The following NBAS variants were observed in gnomAD, a reference collection of about 807,000 sequenced individuals.
NBAS encodes NAG/BC035112 fusion.
In NBAS, 219 loss-of-function variants were observed where a neutral mutation model predicts 302.5. That is an observed-to-expected ratio of 0.72 (90% CI 0.65 to 0.81). NBAS has a LOEUF of 0.81. Ranked by LOEUF, NBAS falls within the 30% of genes least tolerant of loss-of-function variation. The probability of loss-of-function intolerance (pLI) is 0.00; values close to 1 mark genes in which losing one functional copy is unlikely to be tolerated. For missense variants in NBAS, 2,932 were observed against 2,841.6 expected (o/e 1.03, Z -0.72); for synonymous variants, 1,118 against 1,021.6 (o/e 1.09, Z -1.80).
the NBAS span, among the ~76,000 whole-genome samples, chr2:15,016,675 A>G: frequency 2.3e-4 from 35 of 152,144 alleles, no homozygotes; most frequent in African/African-American, 8.0e-4. Context: ...AAACAATCCT[A>G]AGCAAAAAGA....
At chr2:14,890,490 G>GC in the NBAS span, 1 of 152,124 alleles carries the variant, frequency 6.6e-6, no homozygotes, top group Non-Finnish European at 1.5e-5. Context: ...ATAAGAATTT[G>GC]AAAATTATTT....
chr2:15,057,795 T>A, the NBAS span, among the ~76,000 whole-genome samples: 1 of 152,252 alleles, frequency 6.6e-6, no homozygotes, highest in Admixed American at 6.5e-5. Context: ...ATCTCATATA[T>A]ACCAGAGTTT....
At chr2:15,227,084 T>C (rs927783360) in intron 47 of NBAS, among the ~76,000 whole-genome samples, 1 of 152,188 alleles carries the variant, frequency 6.6e-6, no homozygotes, top group Non-Finnish European at 1.5e-5. Flanking sequence ...CTTCCATATT[T>C]AGCTTGTTGA....
chr2:15,178,936 T>A (rs1664684519), intron 51 of NBAS, 52 bp downstream of exon 51: 1 of 1,576,980 alleles, frequency 6.3e-7, no homozygotes, highest in East Asian at 2.3e-5. Context: ...AATTCATTCC[T>A]TTGAAACATT....
the NBAS span, among the ~76,000 whole-genome samples, chr2:15,051,644 G>A: frequency 5.3e-5 from 8 of 152,186 alleles, no homozygotes; most frequent in Non-Finnish European, 8.8e-5. Flanking sequence ...TTCCTCTTCA[G>A]AGCAAGACAC....
intron 10 of NBAS, among the ~76,000 whole-genome samples, chr2:15,505,638 T>A (rs572943293): frequency 6.6e-6 from 1 of 152,292 alleles, no homozygotes; most frequent in East Asian, 1.9e-4. Flanking sequence ...ACCGTTAACC[T>A]ACCAATCTTG....
the NBAS span, among the ~76,000 whole-genome samples, chr2:14,865,912 TC>T: frequency 6.6e-6 from 1 of 152,140 alleles, no homozygotes; most frequent in Non-Finnish European, 1.5e-5. Flanking sequence ...AAGATCAAGA[TC>T]CAAACTGAAG....
chr2:15,115,224 C>T, the NBAS span, among the ~76,000 whole-genome samples: 14 of 152,258 alleles, frequency 9.2e-5, no homozygotes, highest in East Asian at 2.1e-3. Flanking sequence ...CAGAGAGACG[C>T]TGCATCTAAA....
the NBAS span, among the ~76,000 whole-genome samples, chr2:14,814,205 C>T: frequency 6.6e-6 from 1 of 152,154 alleles, no homozygotes; most frequent in Non-Finnish European, 1.5e-5. Context: ...GGAGTTGGAG[C>T]CCGCACATAG....
chr2:15,381,901 A>G (rs1351103508), intron 29 of NBAS, among the ~76,000 whole-genome samples: 6 of 152,132 alleles, frequency 3.9e-5, no homozygotes, highest in African/African-American at 1.2e-4. Flanking sequence ...AAACTAAACA[A>G]TTTCACAAAG....
chr2:15,033,180 G>A, the NBAS span, among the ~76,000 whole-genome samples: 1 of 152,196 alleles, frequency 6.6e-6, no homozygotes, highest in Non-Finnish European at 1.5e-5. Context: ...GTTTAGTGCT[G>A]TTTGCCCTGT....
downstream of NBAS, among the ~76,000 whole-genome samples, chr2:15,166,203 C>T (rs573192533): frequency 1.3e-4 from 20 of 152,292 alleles, no homozygotes; most frequent in Middle Eastern, 3.4e-3. Context: ...TTGCTATTCA[C>T]GCCCTTGCTA....
chr2:15,549,035 A>T (rs1458139438), intron 6 of NBAS, among the ~76,000 whole-genome samples: 1 of 152,246 alleles, frequency 6.6e-6, no homozygotes, highest in Admixed American at 6.5e-5. Flanking sequence ...TTCAGGTAGA[A>T]TTATAGTAAC....
chr2:14,825,804 G>A, the NBAS span, among the ~76,000 whole-genome samples: 1 of 152,160 alleles, frequency 6.6e-6, no homozygotes, highest in Admixed American at 6.5e-5. Context: ...AACTTAATGA[G>A]ACTTCATAAA....
the NBAS span, among the ~76,000 whole-genome samples, chr2:14,966,749 C>T: frequency 6.6e-6 from 1 of 152,198 alleles, no homozygotes; most frequent in African/African-American, 2.4e-5. Context: ...CAAGACAGGG[C>T]TGTCCACTCT....
intron 44 of NBAS, among the ~76,000 whole-genome samples, chr2:15,244,587 T>G (rs1003476845): frequency 6.6e-6 from 1 of 152,172 alleles, no homozygotes; most frequent in Admixed American, 6.5e-5. Flanking sequence ...TTGTCCCTGT[T>G]TCACCATGTA....
the NBAS span, among the ~76,000 whole-genome samples, chr2:14,839,325 A>C: frequency 6.6e-6 from 1 of 152,050 alleles, no homozygotes; most frequent in Non-Finnish European, 1.5e-5. Context: ...ACATTGGAAA[A>C]TGTGAGAGCA....
At chr2:15,556,744 T>C (rs1664662871) in intron 3 of NBAS, 39 bp downstream of exon 3, 1 of 1,517,970 alleles carries the variant, frequency 6.6e-7, no homozygotes, top group East Asian at 2.3e-5. Flanking sequence ...TGTTTATATT[T>C]GATGTTCATA....
Position 15,309,223 on chromosome 2 carries a change from G to A in NBAS, c.4607C>T (p.Ala1536Val), listed in dbSNP as rs1671169821. 1.2e-6 allele frequency: 2 copies of A among 1,611,866 alleles called. No homozygotes were observed. The highest frequency in any genetic ancestry group is 1.7e-5 in the Admixed American group (1 of 59,936). ...TEVLLQLASEALPNDMTLALA... is the reference protein window; with the variant it reads ...TEVLLQLASEVLPNDMTLALA... ...AGCCAAGGTCATGTCATTTGGCAAG[G>A]CTTCACTTGCTAGTTGCAAGAGAAC... Residue 1536 changes from alanine to valine, a missense_variant, in exon 39 of 52, where the codon GCC becomes GTC. By Grantham distance (64) the Ala-to-Val change is moderately conservative (BLOSUM62 0). Coordinates refer to ENST00000281513, the MANE Select transcript of NBAS (RefSeq NM_015909.4).
Sources: gnomAD v4.1 joint callset for allele counts (sites outside exome capture counted in the v4.1 genomes callset) on GRCh38, gnomAD v4.1.1 for gene constraint, MANE v1.5 for transcripts, NCBI Gene and HGNC (gene_info 2026-07-23, HGNC 2026-07-21) for gene names.